Variants in LDB2 observed in about 807,000 individuals in gnomAD.
The protein encoded by LDB2 is LIM domain binding 2.
LDB2 carries 12 observed loss-of-function variants against 44.3 expected under a neutral mutation model. That is an observed-to-expected ratio of 0.27 (90% CI 0.17 to 0.44). The LOEUF (loss-of-function observed/expected upper bound fraction) is 0.44. Ranked by LOEUF, LDB2 falls within the 20% of genes least tolerant of loss-of-function variation. The pLI is 1.00. For synonymous variants in LDB2, 164 were observed against 174.8 expected, an observed-to-expected ratio of 0.94 and a Z score of 0.49; for missense variants, 344 against 473.5, an observed-to-expected ratio of 0.73 and a Z score of 2.54.
chr4:16,663,385 A>G (rs1318769120), intron 2 of LDB2, among the ~76,000 whole-genome samples: 2 of 152,210 alleles, frequency 1.3e-5, no homozygotes, highest in Non-Finnish European at 2.9e-5. Context: ...GTAACTGAGT[A>G]CAGAGTTGGG....
chr4:16,827,467 T>C (rs1783271946), intron 1 of LDB2, among the ~76,000 whole-genome samples: 1 of 152,084 alleles, frequency 6.6e-6, no homozygotes, highest in Non-Finnish European at 1.5e-5. Flanking sequence ...CAAAACAGGA[T>C]GAGAACAAGG....
At chr4:16,752,567 G>A (rs148423041) in intron 2 of LDB2, 13 of 344,364 alleles carry the variant, frequency 3.8e-5, no homozygotes, top group South Asian at 1.9e-4. Context: ...AGTGGCTGTT[G>A]TCTCATAGGT....
At chr4:16,687,048 G>A (rs1227263836) in intron 2 of LDB2, among the ~76,000 whole-genome samples, 1 of 149,088 alleles carries the variant, frequency 6.7e-6, no homozygotes, top group Non-Finnish European at 1.5e-5. Context: ...CTTTTTACCA[G>A]TGAAATATGG....
chr4:16,569,976 G>T (rs1165076479), intron 5 of LDB2, among the ~76,000 whole-genome samples: 1 of 152,136 alleles, frequency 6.6e-6, no homozygotes, highest in South Asian at 2.1e-4. Context: ...AGTCCATGAT[G>T]TCAAGGACAG....
intron 1 of LDB2, among the ~76,000 whole-genome samples, chr4:16,889,024 C>G (rs1383177735): frequency 2.0e-5 from 3 of 151,932 alleles, no homozygotes; most frequent in Admixed American, 6.6e-5. Context: ...TAACCAAAAG[C>G]TGCACACATA....
chr4:16,764,007 A>G (rs904051766), intron 1 of LDB2, among the ~76,000 whole-genome samples: 1 of 152,246 alleles, frequency 6.6e-6, no homozygotes, highest in Non-Finnish European at 1.5e-5. Flanking sequence ...AGATATTCAT[A>G]GAGAATCTAA....
intron 2 of LDB2, among the ~76,000 whole-genome samples, chr4:16,641,516 T>A (rs139780821): frequency 1.3e-5 from 2 of 152,142 alleles, no homozygotes; most frequent in African/African-American, 4.8e-5. Context: ...CTTTTACTCA[T>A]GGCAGAAGGT....
intron 2 of LDB2, among the ~76,000 whole-genome samples, chr4:16,753,487 A>G (rs1384722147): frequency 6.6e-6 from 1 of 152,236 alleles, no homozygotes; most frequent in Non-Finnish European, 1.5e-5. Context: ...AAGGAACGAC[A>G]ATGTAAAAGA....
chr4:16,779,489 G>A (rs1772685021), intron 1 of LDB2, among the ~76,000 whole-genome samples: 1 of 152,164 alleles, frequency 6.6e-6, no homozygotes. Flanking sequence ...AGCCCCACCT[G>A]CCACCTTGGC....
chr4:16,838,103 G>A (rs914460562), intron 1 of LDB2, among the ~76,000 whole-genome samples: 2 of 152,188 alleles, frequency 1.3e-5, no homozygotes, highest in African/African-American at 2.4e-5. Context: ...GAAAATCAGA[G>A]CCCTGTTTGT....
chr4:16,608,687 C>T (rs182622527), intron 2 of LDB2, among the ~76,000 whole-genome samples: 1 of 152,208 alleles, frequency 6.6e-6, no homozygotes, highest in Admixed American at 6.5e-5. Context: ...TCCCATCATT[C>T]TTCCTTGAAG....
chr4:16,707,212 C>G (rs1244687662), intron 2 of LDB2, among the ~76,000 whole-genome samples: 1 of 152,116 alleles, frequency 6.6e-6, no homozygotes, highest in Admixed American at 6.6e-5. Flanking sequence ...TGTTTTGGGT[C>G]ATTTTATGCC....
At position 16,810,320 on chromosome 4, in the gene LDB2, G is replaced by T. The variant is rs77922612; in HGVS notation, c.133-51060C>A. Among the ~76,000 whole-genome samples, 44 of 152,196 alleles carry T rather than the reference G, an allele frequency of 2.9e-4. No individual in the cohort carries two copies. The East Asian group carries it at 6.8e-3, about 23-fold the overall frequency. The stretch of plus-strand genomic sequence containing the variant: ...CTCCAAAATCATCCTACCCACGGGG[G>T]TCCCTACAATCTCAAACTCTACCTC... On this transcript the variant is annotated intron_variant, in intron 1 of 7. Transcript: ENST00000304523.
intron 2 of LDB2, among the ~76,000 whole-genome samples, chr4:16,648,430 T>C (rs75545849): frequency 0.02 from 3,082 of 152,314 alleles, 82 homozygotes; most frequent in African/African-American, 0.065. Flanking sequence ...GCAGGCATTG[T>C]GTATACATTT....
At chr4:16,793,452 C>T (rs1048939151) in intron 1 of LDB2, among the ~76,000 whole-genome samples, 1 of 152,248 alleles carries the variant, frequency 6.6e-6, no homozygotes, top group African/African-American at 2.4e-5. Context: ...CCATCTGAAG[C>T]CCAAACCGTC....
chr4:16,559,561 T>C (rs914823176), intron 5 of LDB2, among the ~76,000 whole-genome samples: 25 of 152,270 alleles, frequency 1.6e-4, no homozygotes, highest in Non-Finnish European at 3.1e-4. Context: ...CCCAGATTCA[T>C]AGAGCAAGTC....
chr4:16,806,710 G>T (rs746072206), intron 1 of LDB2, among the ~76,000 whole-genome samples: 3 of 152,192 alleles, frequency 2.0e-5, no homozygotes, highest in Non-Finnish European at 2.9e-5. Context: ...CCAAATATTG[G>T]GATGTATGGC....
intron 5 of LDB2, among the ~76,000 whole-genome samples, chr4:16,562,700 G>A (rs922230240): frequency 1.9e-4 from 29 of 152,160 alleles, no homozygotes; most frequent in African/African-American, 5.8e-4. Context: ...ATTTGACCCA[G>A]CCATCCCATT....
chr4:16,877,762 A>C (rs1345054950), intron 1 of LDB2, among the ~76,000 whole-genome samples: 2 of 152,336 alleles, frequency 1.3e-5, no homozygotes, highest in East Asian at 3.9e-4. Context: ...GAGCTTCTAC[A>C]TTGTGTCAGA....
Sources: gnomAD v4.1 joint callset for allele counts (sites outside exome capture counted in the v4.1 genomes callset) on GRCh38, gnomAD v4.1.1 for gene constraint, MANE v1.5 for transcripts, NCBI Gene and HGNC (gene_info 2026-07-23, HGNC 2026-07-21) for gene names.